Variants in RASGRF2 observed in about 807,000 individuals in gnomAD.
The protein encoded by RASGRF2 is ras-specific guanine nucleotide-releasing factor 2.
A neutral mutation model predicts 151.0 loss-of-function variants in RASGRF2; 76 were observed. That is an observed-to-expected ratio of 0.50 (90% CI 0.42 to 0.61). RASGRF2 has a LOEUF of 0.61. Among genes scored for constraint, RASGRF2 ranks in the 20% least tolerant of loss-of-function variants. The pLI is 0.00. For missense variants in RASGRF2, 1,148 were observed against 1,564.6 expected, an observed-to-expected ratio of 0.73 and a Z score of 4.49; for synonymous variants, 504 against 566.5, an observed-to-expected ratio of 0.89 and a Z score of 1.57.
chr5:81,035,283 T>TA (rs1750443285), intron 1 of RASGRF2, among the ~76,000 whole-genome samples: 1 of 152,054 alleles, frequency 6.6e-6, no homozygotes, highest in Non-Finnish European at 1.5e-5. Context: ...TATGCAGCCA[T>TA]AAAAAAGGAT....
Position 81,068,199 on chromosome 5 carries a change from T to C in RASGRF2, c.543+20T>C. 1 of 1,600,362 alleles carries C rather than the reference T, an allele frequency of 6.2e-7. No individual in the cohort carries two copies. The highest frequency in any genetic ancestry group is 2.2e-5 in the East Asian group (1 of 44,716). ...TCAGAGGTATTTCCCAGTCAATAGATTCCTTCTCATTGTTTCACGTTTACC... is the reference window on the plus strand; with the variant it reads ...TCAGAGGTATTTCCCAGTCAATAGACTCCTTCTCATTGTTTCACGTTTACC... On this transcript the variant is annotated intron_variant, in intron 3 of 26. Transcript: ENST00000265080.
At chr5:80,971,877 A>G (rs1747947994) in intron 1 of RASGRF2, among the ~76,000 whole-genome samples, 2 of 145,836 alleles carry the variant, frequency 1.4e-5, no homozygotes, top group Middle Eastern at 3.6e-3. Context: ...CACCCCAGCT[A>G]ATTTTTATTT....
intron 12 of RASGRF2, among the ~76,000 whole-genome samples, chr5:81,104,594 CTA>C (rs1425034266): frequency 6.6e-6 from 1 of 152,078 alleles, no homozygotes; most frequent in Admixed American, 6.5e-5. Flanking sequence ...AAGTAGTACT[CTA>C]TGTGTATTCA....
intron 1 of RASGRF2, among the ~76,000 whole-genome samples, chr5:80,967,825 G>A (rs1747772471): frequency 6.6e-6 from 1 of 152,204 alleles, no homozygotes; most frequent in South Asian, 2.1e-4. Flanking sequence ...AAGTCATGAC[G>A]AGATAATGTC....
At chr5:81,010,420 G>A (rs754660930) in intron 1 of RASGRF2, among the ~76,000 whole-genome samples, 31 of 152,162 alleles carry the variant, frequency 2.0e-4, no homozygotes, top group Non-Finnish European at 3.7e-4. Context: ...AATGTGTAAG[G>A]CACAGAACTG....
At chr5:81,035,636 A>G (rs1009951428) in intron 1 of RASGRF2, among the ~76,000 whole-genome samples, 1 of 152,118 alleles carries the variant, frequency 6.6e-6, no homozygotes, top group South Asian at 2.1e-4. Context: ...AAAAAAAACA[A>G]CTTAATAGAC....
intron 18 of RASGRF2, among the ~76,000 whole-genome samples, chr5:81,198,043 C>T (rs1339877214): frequency 6.6e-6 from 1 of 152,056 alleles, no homozygotes; most frequent in African/African-American, 2.4e-5. Flanking sequence ...TCTAGAATCC[C>T]TCAGAAATCA....
intron 9 of RASGRF2, 157 bp downstream of exon 9, chr5:81,087,110 T>A (rs1354379308): frequency 6.8e-6 from 5 of 740,628 alleles, no homozygotes; most frequent in Non-Finnish European, 1.2e-5. Context: ...GGCCCACCTT[T>A]GTGCTGTTTC....
intron 17 of RASGRF2, among the ~76,000 whole-genome samples, chr5:81,161,622 TAG>T (rs1561238058): frequency 6.6e-6 from 1 of 152,184 alleles, no homozygotes; most frequent in Non-Finnish European, 1.5e-5. Context: ...CTACCAGTCA[TAG>T]AGTTTGTATA....
chr5:81,217,553 T>A, intron 25 of RASGRF2, 80 bp downstream of exon 25: 1 of 944,728 alleles, frequency 1.1e-6, no homozygotes, highest in Non-Finnish European at 1.4e-6. Context: ...AAAGTCAATG[T>A]CTGCTTTTTT....
chr5:81,109,124 T>G, intron 13 of RASGRF2, 46 bp downstream of exon 13: 1 of 1,580,036 alleles, frequency 6.3e-7, no homozygotes, highest in Non-Finnish European at 8.6e-7. Flanking sequence ...AAGATTAAAT[T>G]GGCGGAACAT....
chr5:81,148,827 T>A (rs1202498907), intron 17 of RASGRF2, among the ~76,000 whole-genome samples: 1 of 149,156 alleles, frequency 6.7e-6, no homozygotes, highest in Non-Finnish European at 1.5e-5. Context: ...AGTATAATAA[T>A]AATAAAATAA....
chr5:81,132,046 T>C (rs556286587), intron 17 of RASGRF2, among the ~76,000 whole-genome samples: 3 of 152,368 alleles, frequency 2.0e-5, no homozygotes, highest in South Asian at 4.1e-4. Context: ...CTACCAACAC[T>C]TTCTATCCTT....
rs775978981 is a variant in RASGRF2 at position 81,206,935 on chromosome 5, A to T, written c.2967+30A>T. ...GTCTGACCACATTTTTATCTAGCAC[A>T]ACTATGTGCAAACTACCTCTCCAAG... On this transcript the variant is annotated intron_variant, in intron 20 of 26. Coordinates refer to ENST00000265080, the MANE Select transcript of RASGRF2 (RefSeq NM_006909.3). 4 of 1,522,898 alleles carry T rather than the reference A, an allele frequency of 2.6e-6. No homozygotes were observed. In the South Asian group the frequency reaches 4.5e-5, roughly 17 times the overall value. 94.3% of individuals were successfully genotyped at this position (1,522,898 alleles called of 1,614,324 possible).
At chr5:81,063,922 CTT>C (rs1242306391) in intron 2 of RASGRF2, among the ~76,000 whole-genome samples, 1 of 152,052 alleles carries the variant, frequency 6.6e-6, no homozygotes, top group Non-Finnish European at 1.5e-5. Context: ...CCTGAATTAG[CTT>C]TGTTTCTTTT....
intron 17 of RASGRF2, among the ~76,000 whole-genome samples, chr5:81,135,811 T>C (rs1753739890): frequency 6.6e-6 from 1 of 152,216 alleles, no homozygotes; most frequent in African/African-American, 2.4e-5. Flanking sequence ...GTAGATTTGC[T>C]AGGTTGTGTG....
intron 1 of RASGRF2, among the ~76,000 whole-genome samples, chr5:81,008,111 T>TTCA: frequency 6.6e-6 from 1 of 151,670 alleles, no homozygotes. Flanking sequence ...TGATGATGGT[T>TTCA]TCAGTTTTCT....
rs1752046235 is a variant in RASGRF2, at chr5:81,080,163, A to G, written c.930A>G (p.Leu310=). The stretch of plus-strand genomic sequence containing the variant: ...TTCATGAAATATTTCATCAAGGACT[A>G]AAGGCAAGGATAGCAAACTGGCCCA... ...MFLHEIFHQG[L]KARIANWPTL... Residue 310 remains leucine (L), a synonymous_variant, in exon 6 of 27, where the codon CTA becomes CTG. Coordinates refer to ENST00000265080, the MANE Select transcript of RASGRF2 (RefSeq NM_006909.3). The G allele has an allele frequency of 6.3e-7, 1 of 1,599,670 alleles. No individual in the cohort carries two copies. Among genetic ancestry groups the G allele is most frequent in the Non-Finnish European group, 8.5e-7 (1 of 1,177,008 alleles).
At chr5:81,059,134 A>C (rs1469340293) in intron 2 of RASGRF2, among the ~76,000 whole-genome samples, 1 of 152,120 alleles carries the variant, frequency 6.6e-6, no homozygotes, top group Non-Finnish European at 1.5e-5. Context: ...CTGTAATCCC[A>C]GCACTTTGGG....
Sources: allele counts gnomAD v4.1 joint callset (sites outside exome capture counted in the v4.1 genomes callset), GRCh38; gene constraint gnomAD v4.1.1; transcripts MANE v1.5; gene names NCBI Gene and HGNC (gene_info 2026-07-23, HGNC 2026-07-21).